The following RAPGEF6 variants were observed in gnomAD, a reference collection of about 807,000 sequenced individuals.
RAPGEF6 encodes the protein PDZ domain containing guanine nucleotide exchange factor (GEF) 2.
In RAPGEF6, 56 loss-of-function variants were observed where a neutral mutation model predicts 171.4. That is an observed-to-expected ratio of 0.33 (90% CI 0.26 to 0.41). The LOEUF is 0.41. RAPGEF6 is among the 10% of genes least tolerant of loss of function. The pLI, the probability that RAPGEF6 is intolerant of heterozygous loss-of-function variation, is 1.00. For missense variants in RAPGEF6, 1,674 were observed against 1,921.4 expected (o/e 0.87, Z 2.41); for synonymous variants, 692 against 650.1 (o/e 1.06, Z -0.98).
intron 17 of RAPGEF6, among the ~76,000 whole-genome samples, chr5:131,470,284 C>A (rs1215706635): frequency 6.6e-6 from 1 of 152,130 alleles, no homozygotes; most frequent in African/African-American, 2.4e-5. Context: ...TATCTTTAGT[C>A]CTTTAAACAT....
intron 4 of RAPGEF6, among the ~76,000 whole-genome samples, chr5:131,576,267 C>T (rs1195161835): frequency 6.6e-6 from 1 of 152,206 alleles, no homozygotes; most frequent in Non-Finnish European, 1.5e-5. Context: ...CAAGGGCAGG[C>T]TATGCTGTAG....
intron 24 of RAPGEF6, chr5:131,435,924 AAC>A (rs1405601075): frequency 6.7e-7 from 1 of 1,501,394 alleles, no homozygotes; most frequent in Non-Finnish European, 8.9e-7. Flanking sequence ...AAACAAACTT[AAC>A]ACTAAAATTA....
At chr5:131,538,626 G>A (rs927053716) in intron 6 of RAPGEF6, among the ~76,000 whole-genome samples, 1 of 151,952 alleles carries the variant, frequency 6.6e-6, no homozygotes, top group African/African-American at 2.4e-5. Flanking sequence ...ATCTGCAGGG[G>A]GTCCTGAAAC....
chr5:131,525,331 C>T (rs201815517), intron 6 of RAPGEF6, among the ~76,000 whole-genome samples: 1 of 151,838 alleles, frequency 6.6e-6, no homozygotes. Context: ...AGCAATAACA[C>T]GCAAATAAGG....
At chr5:131,601,005 C>T (rs955832752) in intron 3 of RAPGEF6, among the ~76,000 whole-genome samples, 14 of 150,878 alleles carry the variant, frequency 9.3e-5, no homozygotes, top group Non-Finnish European at 1.8e-4. Context: ...GCCTGTAATC[C>T]TCGGGAGTCT....
chr5:131,626,852 A>G (rs1765961577), intron 1 of RAPGEF6, among the ~76,000 whole-genome samples: 1 of 152,152 alleles, frequency 6.6e-6, no homozygotes, highest in Non-Finnish European at 1.5e-5. Context: ...ATAAATATTA[A>G]CAGCTTCTCT....
Position 131,502,437 on chromosome 5 carries a change from GCAGA to G in RAPGEF6, c.1254+2185_1254+2188del, listed in dbSNP as rs145036286. On this transcript the variant is annotated intron_variant, in intron 11 of 27. Coordinates refer to ENST00000509018, the MANE Select transcript of RAPGEF6 (RefSeq NM_016340.6). ...GATGACTTTACACTGAAGAAACTGG[GCAGA>G]CAGACACCAACATGATCAGTAATCA... Among the ~76,000 whole-genome samples the G allele has an allele frequency of 3.3e-3, 509 of 152,284 alleles. 4 individuals carry two copies. The highest frequency in any genetic ancestry group is 0.012 in the African/African-American group (484 of 41,560).
intron 4 of RAPGEF6, among the ~76,000 whole-genome samples, chr5:131,577,121 C>T (rs542552738): frequency 1.4e-3 from 213 of 152,264 alleles, no homozygotes; most frequent in Middle Eastern, 6.8e-3. Flanking sequence ...AGAAGGCCAC[C>T]GCAGTCATTT....
At chr5:131,616,615 A>G (rs1351015522) in intron 1 of RAPGEF6, among the ~76,000 whole-genome samples, 1 of 152,168 alleles carries the variant, frequency 6.6e-6, no homozygotes, top group Non-Finnish European at 1.5e-5. Context: ...CTTACCTATG[A>G]TACACTTAAT....
chr5:131,480,780 A>G (rs1346719331), intron 15 of RAPGEF6, among the ~76,000 whole-genome samples: 1 of 146,186 alleles, frequency 6.8e-6, no homozygotes, highest in Non-Finnish European at 1.5e-5. Context: ...TGCCCGGCCT[A>G]ATTTTGGTAA....
intron 4 of RAPGEF6, among the ~76,000 whole-genome samples, chr5:131,590,368 G>A (rs975559896): frequency 2.1e-4 from 32 of 152,170 alleles, no homozygotes; most frequent in Non-Finnish European, 2.5e-4. Flanking sequence ...CTGCCCTCCA[G>A]CCTGGGCAAC....
chr5:131,430,784 A>G, intron 26 of RAPGEF6, 75 bp downstream of exon 26: 1 of 1,567,174 alleles, frequency 6.4e-7, no homozygotes. Flanking sequence ...GATAAAATCC[A>G]GGGCCAAGAT....
intron 21 of RAPGEF6, among the ~76,000 whole-genome samples, chr5:131,452,151 C>T (rs1001287987): frequency 3.3e-5 from 5 of 150,122 alleles, no homozygotes; most frequent in African/African-American, 9.8e-5. Context: ...ACCCGGGAGG[C>T]GGAGCTTGCA....
At position 131,574,441 on chromosome 5, in the gene RAPGEF6, G is replaced by A. The variant is rs777771885; in HGVS notation, c.282-12394C>T. 1.1e-4 allele frequency among the ~76,000 whole-genome samples: 16 copies of A among 151,952 alleles called. No individual in the cohort carries two copies. The East Asian group carries it at 1.2e-3, about 11-fold the overall frequency. On this transcript the variant is annotated intron_variant, in intron 4 of 27. Transcript: ENST00000509018. ...AGTCCATTCCCTGTTTAATCAATAC[G>A]GGGGCTACCCACTCCACATTACCTT...
chr5:131,601,385 CAAAA>C (rs758602740), intron 3 of RAPGEF6, among the ~76,000 whole-genome samples: 1 of 54,308 alleles, frequency 1.8e-5, no homozygotes. Context: ...GACTCCGTCT[CAAAA>C]AAAAAAAAAA....
chr5:131,549,507 C>T (rs574847523), intron 5 of RAPGEF6, among the ~76,000 whole-genome samples: 1 of 152,022 alleles, frequency 6.6e-6, no homozygotes, highest in Non-Finnish European at 1.5e-5. Flanking sequence ...AAATTAGGCA[C>T]AGAAGAGATT....
intron 5 of RAPGEF6, among the ~76,000 whole-genome samples, chr5:131,549,622 T>C (rs532396886): frequency 1.3e-5 from 2 of 151,212 alleles, no homozygotes; most frequent in African/African-American, 2.4e-5. Context: ...GGGGCGAGAG[T>C]ATCACTTGAG....
At chr5:131,467,623 C>T (rs936459212) in intron 17 of RAPGEF6, among the ~76,000 whole-genome samples, 6 of 152,046 alleles carry the variant, frequency 3.9e-5, no homozygotes, top group Admixed American at 2.0e-4. Context: ...TCAATATGTT[C>T]GAATAAAGTT....
At chr5:131,503,332 C>A (rs942959108) in intron 11 of RAPGEF6, among the ~76,000 whole-genome samples, 1 of 152,156 alleles carries the variant, frequency 6.6e-6, no homozygotes, top group African/African-American at 2.4e-5. Flanking sequence ...ACTGTTCTTG[C>A]AACTTTTCTA....
Sources: gnomAD v4.1 joint callset for allele counts (sites outside exome capture counted in the v4.1 genomes callset) on GRCh38, gnomAD v4.1.1 for gene constraint, MANE v1.5 for transcripts, NCBI Gene and HGNC (gene_info 2026-07-23, HGNC 2026-07-21) for gene names.